HNRNPLL: variants seen among roughly 807,000 people sequenced by gnomAD.
HNRNPLL encodes the protein heterogeneous nuclear ribonucleoprotein L like, also known as heterogeneous nuclear ribonucleoprotein L-like.
In HNRNPLL, 25 loss-of-function variants were observed where a neutral mutation model predicts 67.1. The ratio of observed to expected loss-of-function variants is 0.37; its 90% CI spans 0.27 to 0.52. The LOEUF (loss-of-function observed/expected upper bound fraction) is 0.52. HNRNPLL is among the 20% of genes least tolerant of loss of function. The pLI, the probability that HNRNPLL is intolerant of heterozygous loss-of-function variation, is 0.90. For synonymous variants in HNRNPLL, 267 were observed against 241.7 expected (o/e 1.10, Z -0.97); for missense variants, 542 against 673.9 (o/e 0.80, Z 2.17).
At chr2:38,582,300 A>C in intron 4 of HNRNPLL, 132 bp from the exon 5 acceptor site, 2 of 707,008 alleles carry the variant, frequency 2.8e-6, no homozygotes, top group Non-Finnish European at 4.9e-6. Context: ...TTCAGGATGA[A>C]TTTTAAGAGA....
chr2:38,602,720 G>C lies in HNRNPLL; in HGVS notation c.-94C>G. The C allele has an allele frequency of 6.9e-7, 1 of 1,440,860 alleles. No homozygotes were observed. Among genetic ancestry groups the C allele is most frequent in the Non-Finnish European group, 9.1e-7 (1 of 1,099,306 alleles). The allele number at this position is 1,440,860 out of a possible 1,614,324, so 89.3% of individuals were successfully genotyped here. The stretch of plus-strand genomic sequence containing the variant: ...CCGGCCAGTCCTCGCCGCCGGCAGC[G>C]CCTCTTCTGCGAGGGTCTCCGCGGC... On this transcript the variant is annotated 5_prime_UTR_variant, in exon 1 of 13. Coordinates refer to ENST00000449105, the MANE Select transcript of HNRNPLL (RefSeq NM_138394.4).
chr2:38,570,472 T>A (rs1666033225), intron 8 of HNRNPLL, among the ~76,000 whole-genome samples: 1 of 152,128 alleles, frequency 6.6e-6, no homozygotes, highest in African/African-American at 2.4e-5. Context: ...ATATAAGAAA[T>A]AATACAAAAT....
At position 38,592,809 on chromosome 2, in the gene HNRNPLL, A is replaced by G. The variant is rs539155762; in HGVS notation, c.190-1161T>C. Reference sequence around the variant, plus strand: ...CACCGTGTACATCCCTGTCTATACAAAAAGAAATTTTTTAAAGTTTTTTTC... The same window carrying G: ...CACCGTGTACATCCCTGTCTATACAGAAAGAAATTTTTTAAAGTTTTTTTC... On this transcript the variant is annotated intron_variant, in intron 1 of 12. Transcript: ENST00000449105. Among the ~76,000 whole-genome samples, 11 of 152,366 alleles carry G rather than the reference A, an allele frequency of 7.2e-5. No individual in the cohort carries two copies. In the East Asian group the frequency reaches 2.1e-3, roughly 29 times the overall value.
At chr2:38,597,717 C>T (rs750678508) in intron 1 of HNRNPLL, among the ~76,000 whole-genome samples, 4 of 147,664 alleles carry the variant, frequency 2.7e-5, no homozygotes, top group Non-Finnish European at 5.9e-5. Flanking sequence ...GAGACGGAGT[C>T]TCGCTCTGTC....
chr2:38,595,775 C>T (rs1018709965), intron 1 of HNRNPLL, among the ~76,000 whole-genome samples: 14 of 152,046 alleles, frequency 9.2e-5, no homozygotes, highest in Non-Finnish European at 1.5e-4. Context: ...ACCCGGGAGG[C>T]AGAGCTTGCA....
chr2:38,596,865 A>G (rs1667214228), intron 1 of HNRNPLL, among the ~76,000 whole-genome samples: 1 of 152,162 alleles, frequency 6.6e-6, no homozygotes, highest in Non-Finnish European at 1.5e-5. Context: ...ACATACATGC[A>G]CTTTACAAAC....
At chr2:38,583,999 TTTA>T (rs1326080710) in intron 3 of HNRNPLL, 73 bp from the exon 4 acceptor site, 3 of 602,194 alleles carry the variant, frequency 5.0e-6, no homozygotes, top group Non-Finnish European at 8.6e-6. Flanking sequence ...TTCGTTTTGT[TTTA>T]CCTAAAAACT....
rs565355300 is a variant in HNRNPLL at position 38,576,784 on chromosome 2, T to G, written c.874+677A>C. Reference sequence around the variant, plus strand: ...CTTCAACTTTAAAGCACAGAATAGGTAGAGTCAATAACTACCACTAAAAAC... The same window carrying G: ...CTTCAACTTTAAAGCACAGAATAGGGAGAGTCAATAACTACCACTAAAAAC... On this transcript the variant is annotated intron_variant, in intron 7 of 12. Transcript: ENST00000449105. Among the ~76,000 whole-genome samples, 14 of 152,006 alleles carry G rather than the reference T, an allele frequency of 9.2e-5. No homozygotes were observed. In the South Asian group the frequency reaches 2.7e-3, roughly 29 times the overall value.
At chr2:38,576,587 GA>G (rs750620983) in intron 7 of HNRNPLL, among the ~76,000 whole-genome samples, 7 of 151,202 alleles carry the variant, frequency 4.6e-5, no homozygotes, top group Non-Finnish European at 7.4e-5. Context: ...CAGTTCAAAA[GA>G]AAAACACTAG....
At position 38,562,305 on chromosome 2, in the gene HNRNPLL, A is replaced by G. The variant is rs1220646084; in HGVS notation, c.*1877T>C. 1.3e-5 allele frequency: 2 copies of G among 152,192 alleles called. No homozygotes were observed. Among genetic ancestry groups the G allele is most frequent in the East Asian group, 1.9e-4 (1 of 5,206 alleles). The allele number at this position is 152,192 out of a possible 1,614,324, so 9.4% of individuals were successfully genotyped here. ...CCAACTTACCAACTAGTTTACTCCC[A>G]AACAATTCACTTATTTTGGTGGAGA... On this transcript the variant is annotated 3_prime_UTR_variant, in exon 13 of 13. Coordinates refer to ENST00000449105, the MANE Select transcript of HNRNPLL (RefSeq NM_138394.4).
At chr2:38,595,628 G>A (rs1667151850) in intron 1 of HNRNPLL, among the ~76,000 whole-genome samples, 1 of 152,134 alleles carries the variant, frequency 6.6e-6, no homozygotes, top group Non-Finnish European at 1.5e-5. Context: ...GCGAATACCT[G>A]AGGTCAGGAG....
At chr2:38,575,608 T>A (rs2148348818) in intron 7 of HNRNPLL, among the ~76,000 whole-genome samples, 1 of 151,982 alleles carries the variant, frequency 6.6e-6, no homozygotes, top group East Asian at 1.9e-4. Context: ...ACTGCTATAA[T>A]AAACCAATGA....
At chr2:38,577,343 C>T in intron 7 of HNRNPLL, 118 bp downstream of exon 7, 1 of 692,112 alleles carries the variant, frequency 1.4e-6, no homozygotes. Flanking sequence ...GGACTGATCC[C>T]ATATAAACCG....
intron 6 of HNRNPLL, chr2:38,578,021 C>A (rs577270530): frequency 3.2e-5 from 15 of 470,712 alleles, no homozygotes; most frequent in African/African-American, 2.8e-4. Context: ...CATGGTTTCA[C>A]AATCAGTAAA....
chr2:38,573,820 G>C (rs1024826711), intron 7 of HNRNPLL, among the ~76,000 whole-genome samples: 3 of 151,758 alleles, frequency 2.0e-5, no homozygotes, highest in Admixed American at 1.3e-4. Flanking sequence ...AATATTACAT[G>C]TACAGTGAAA....
chr2:38,588,747 C>T (rs1424673753), intron 2 of HNRNPLL, among the ~76,000 whole-genome samples: 1 of 151,826 alleles, frequency 6.6e-6, no homozygotes, highest in Non-Finnish European at 1.5e-5. Flanking sequence ...ATCTTTAAAA[C>T]GCACTCATAT....
intron 8 of HNRNPLL, among the ~76,000 whole-genome samples, chr2:38,570,331 T>C (rs1401461137): frequency 6.6e-6 from 1 of 152,202 alleles, no homozygotes; most frequent in Non-Finnish European, 1.5e-5. Context: ...GTACTGGGGA[T>C]TTAATAGTGA....
At chr2:38,598,192 GATTA>G (rs2148390346) in intron 1 of HNRNPLL, among the ~76,000 whole-genome samples, 1 of 152,288 alleles carries the variant, frequency 6.6e-6, no homozygotes, top group East Asian at 1.9e-4. Flanking sequence ...GTGGCCTGGT[GATTA>G]ATTAGACGGG....
Position 38,583,990 on chromosome 2 carries a change from T to C in HNRNPLL, c.547-64A>G, listed in dbSNP as rs1241039814. The C allele has an allele frequency of 1.2e-5, 8 of 652,384 alleles. No individual in the cohort carries two copies. The Admixed American group carries it at 2.6e-4, about 21-fold the overall frequency. The allele number at this position is 652,384 out of a possible 1,614,324, so 40.4% of individuals were successfully genotyped here. A position where few individuals can be genotyped will look rare whatever the true frequency, so the allele number is the denominator to read the frequency against. On this transcript the variant is annotated intron_variant, in intron 3 of 12. Coordinates refer to ENST00000449105, the MANE Select transcript of HNRNPLL (RefSeq NM_138394.4). ...TCTGAAAAAACATTAAAGCTATACT[T>C]CGTTTTGTTTTACCTAAAAACTATC...
Sources: allele counts gnomAD v4.1 joint callset (sites outside exome capture counted in the v4.1 genomes callset), GRCh38; gene constraint gnomAD v4.1.1; transcripts MANE v1.5; gene names NCBI Gene and HGNC (gene_info 2026-07-23, HGNC 2026-07-21).